GAPVD1: variants seen among roughly 807,000 people sequenced by gnomAD.
GAPVD1 encodes GTPase-activating protein and VPS9 domain-containing protein 1.
In GAPVD1, 35 loss-of-function variants were observed where a neutral mutation model predicts 155.5. The ratio of observed to expected loss-of-function variants is 0.23; its 90% confidence interval spans 0.17 to 0.30. The LOEUF (loss-of-function observed/expected upper bound fraction) is 0.30. Ranked by LOEUF, GAPVD1 falls within the 10% of genes least tolerant of loss-of-function variation. The probability of loss-of-function intolerance (pLI) is 1.00; values close to 1 mark genes in which losing one functional copy is unlikely to be tolerated. For synonymous variants in GAPVD1, 636 were observed against 619.7 expected (o/e 1.03, Z -0.39); for missense variants, 1,429 against 1,775.7 (o/e 0.80, Z 3.51).
chr9:125,292,168 TAGAGGCTGC>T (rs946443825), intron 2 of GAPVD1, among the ~76,000 whole-genome samples: 9 of 152,142 alleles, frequency 5.9e-5, no homozygotes, highest in Admixed American at 5.2e-4. Flanking sequence ...GTCTGGGAGA[TAGAGGCTGC>T]AGTGAGCCAT....
At chr9:125,354,126 A>G (rs1009810800) in intron 23 of GAPVD1, among the ~76,000 whole-genome samples, 1 of 152,158 alleles carries the variant, frequency 6.6e-6, no homozygotes, top group Non-Finnish European at 1.5e-5. Flanking sequence ...CCTGCTCATG[A>G]TTATGGAGAA....
chr9:125,335,046 T>C, intron 15 of GAPVD1: 1 of 534,402 alleles, frequency 1.9e-6, no homozygotes, highest in Non-Finnish European at 3.4e-6. Flanking sequence ...TTCTACCTTG[T>C]AGCTATCCTT....
chr9:125,301,677 T>C (rs929644421), intron 4 of GAPVD1, among the ~76,000 whole-genome samples: 3 of 152,114 alleles, frequency 2.0e-5, no homozygotes, highest in Admixed American at 6.6e-5. Context: ...CTCGACCTCC[T>C]GGCCTCAAGT....
chr9:125,306,391 A>C (rs1235367945), intron 6 of GAPVD1, among the ~76,000 whole-genome samples: 1 of 152,058 alleles, frequency 6.6e-6, no homozygotes, highest in Non-Finnish European at 1.5e-5. Context: ...TTTACAGGCA[A>C]ATTCCTACGT....
chr9:125,318,511 A>G (rs1212243101), intron 9 of GAPVD1, among the ~76,000 whole-genome samples: 3 of 152,280 alleles, frequency 2.0e-5, no homozygotes, highest in East Asian at 3.9e-4. Context: ...TGTGTTATAT[A>G]ATCCCTTTTC....
chr9:125,294,503 T>C lies in GAPVD1; in HGVS notation c.-149-955T>C, dbSNP rs190283765. Reference sequence around the variant, plus strand: ...CTGGGACTACAGGCGCGTGTCACCATGCCCGGCTAATTTTTGAATTTTTTA... The same window carrying C: ...CTGGGACTACAGGCGCGTGTCACCACGCCCGGCTAATTTTTGAATTTTTTA... On this transcript the variant is annotated intron_variant, in intron 2 of 27. Coordinates refer to ENST00000297933, the MANE Select transcript of GAPVD1 (RefSeq NM_001282680.3). Among the ~76,000 whole-genome samples the C allele has an allele frequency of 2.8e-3, 422 of 151,498 alleles. 1 individual carries two copies. Among genetic ancestry groups the C allele is most frequent in the African/African-American group, 9.9e-3 (410 of 41,266 alleles).
intron 23 of GAPVD1, among the ~76,000 whole-genome samples, chr9:125,351,663 C>T (rs1217666728): frequency 1.3e-5 from 2 of 152,166 alleles, no homozygotes; most frequent in Non-Finnish European, 2.9e-5. Context: ...AATCTTAAAG[C>T]TTCAAAATGA....
At chr9:125,284,180 CTTT>C (rs34335675) in intron 2 of GAPVD1, among the ~76,000 whole-genome samples, 4 of 92,626 alleles carry the variant, frequency 4.3e-5, no homozygotes, top group African/African-American at 1.4e-4. Flanking sequence ...CCCGCCAGAA[CTTT>C]TTTTTTTTTT....
intron 26 of GAPVD1, chr9:125,359,749 G>T: frequency 2.4e-6 from 1 of 415,826 alleles, no homozygotes; most frequent in East Asian, 4.2e-5. Flanking sequence ...TGCTCTCAGG[G>T]GCAGTACCTC....
At chr9:125,313,359 A>G (rs1033644575) in intron 9 of GAPVD1, among the ~76,000 whole-genome samples, 3 of 145,502 alleles carry the variant, frequency 2.1e-5, no homozygotes. Context: ...GCTGGAGTGC[A>G]GTGGCACGAT....
chr9:125,301,936 T>A, intron 4 of GAPVD1, 47 bp from the exon 5 acceptor site: 2 of 1,326,892 alleles, frequency 1.5e-6, no homozygotes, highest in African/African-American at 1.5e-5. Flanking sequence ...GTTATTATTA[T>A]TAATACTATT....
intron 8 of GAPVD1, 33 bp from the exon 9 acceptor site, chr9:125,312,419 C>G (rs773299571): frequency 7.1e-7 from 1 of 1,414,622 alleles, no homozygotes; most frequent in South Asian, 1.4e-5. Context: ...TTGTCTATTT[C>G]TCTAAATTAT....
chr9:125,312,114 G>A (rs1842757385), intron 8 of GAPVD1, among the ~76,000 whole-genome samples: 1 of 152,142 alleles, frequency 6.6e-6, no homozygotes, highest in African/African-American at 2.4e-5. Context: ...AAAAAGATAA[G>A]AAATGAGGTA....
intron 13 of GAPVD1, among the ~76,000 whole-genome samples, chr9:125,331,379 T>C (rs1252536151): frequency 6.6e-6 from 1 of 152,112 alleles, no homozygotes; most frequent in Non-Finnish European, 1.5e-5. Flanking sequence ...TTTTGTATTT[T>C]TAGTAGAGAT....
At chr9:125,333,267 T>A (rs1209857296) in intron 15 of GAPVD1, among the ~76,000 whole-genome samples, 3 of 150,838 alleles carry the variant, frequency 2.0e-5, no homozygotes, top group Non-Finnish European at 4.4e-5. Flanking sequence ...TTTTAGTAGA[T>A]ACGGGGGTTT....
intron 17 of GAPVD1, among the ~76,000 whole-genome samples, chr9:125,337,829 A>G (rs992715869): frequency 2.0e-5 from 3 of 152,128 alleles, no homozygotes; most frequent in Admixed American, 6.5e-5. Context: ...GCAATTTTGT[A>G]TCTGATTTTA....
At chr9:125,353,615 A>G (rs1051712208) in intron 23 of GAPVD1, among the ~76,000 whole-genome samples, 1 of 152,222 alleles carries the variant, frequency 6.6e-6, no homozygotes, top group East Asian at 1.9e-4. Context: ...GTTTAATTGG[A>G]CTTAACAGTT....
rs1851118161 is a variant in GAPVD1, at chr9:125,362,703, C to T, written c.4340C>T (p.Thr1447Ile). The T allele has an allele frequency of 6.2e-7, 1 of 1,613,576 alleles. No homozygotes were observed. The change falls in exon 28 of 28, where the codon ACA becomes ATA. Residue 1447 changes from threonine (T) to isoleucine (I), a missense_variant. Coordinates refer to ENST00000297933, the MANE Select transcript of GAPVD1 (RefSeq NM_001282680.3). ...GAGTCCTATTGGTGGATGCAGTTCA[C>T]AGCAGCAGTAGAATTCATTAAAACC... ...GEESYWWMQF[T>I]AAVEFIKTID...
chr9:125,307,398 T>C lies in GAPVD1; in HGVS notation c.1117-15T>C. 1 of 1,551,898 alleles carries C rather than the reference T, an allele frequency of 6.4e-7. No individual in the cohort carries two copies. ...TAAAGGGAAATGTTTCACTGTTTTTTTCCTGTTTTAACAGAGCTGTGTTGC... is the reference window on the plus strand; with the variant it reads ...TAAAGGGAAATGTTTCACTGTTTTTCTCCTGTTTTAACAGAGCTGTGTTGC... On this transcript the variant is annotated splice_polypyrimidine_tract_variant and intron_variant, in intron 6 of 27. Coordinates refer to ENST00000297933, the MANE Select transcript of GAPVD1 (RefSeq NM_001282680.3).
Sources: gnomAD v4.1 joint callset for allele counts (sites outside exome capture counted in the v4.1 genomes callset) on GRCh38, gnomAD v4.1.1 for gene constraint, MANE v1.5 for transcripts, NCBI Gene and HGNC (gene_info 2026-07-23, HGNC 2026-07-21) for gene names.